DIS3L2: variants seen among roughly 807,000 people sequenced by gnomAD.
DIS3L2 encodes DIS3 like 3'-5' exoribonuclease 2, also known as DIS3-like exonuclease 2.
DIS3L2 carries 34 observed loss-of-function variants against 97.5 expected under a neutral mutation model. That is an observed-to-expected ratio of 0.35 (90% CI 0.27 to 0.46). The LOEUF is 0.46. Ranked by LOEUF, DIS3L2 falls within the 20% of genes least tolerant of loss-of-function variation. DIS3L2 has a pLI of 1.00. For missense variants in DIS3L2, 1,038 were observed against 1,146.0 expected (o/e 0.91, Z 1.36); for synonymous variants, 435 against 445.2 (o/e 0.98, Z 0.29).
chr2:232,336,707 G>A lies in DIS3L2; in HGVS notation c.*77G>A, dbSNP rs77517611. The A allele has an allele frequency of 6.6e-7, 1 of 1,520,296 alleles. No individual in the cohort carries two copies. Among genetic ancestry groups the A allele is most frequent in the Non-Finnish European group, 8.7e-7 (1 of 1,145,306 alleles). 94.2% of individuals were successfully genotyped at this position (1,520,296 alleles called of 1,614,324 possible). On this transcript the variant is annotated 3_prime_UTR_variant, in exon 21 of 21. Coordinates refer to ENST00000325385, the MANE Select transcript of DIS3L2 (RefSeq NM_152383.5). ...GGCTTTAGGACCTGTTGACACGGAGGGGGGTTTTTAATTTGGTTTTTAACA... is the reference window on the plus strand; with the variant it reads ...GGCTTTAGGACCTGTTGACACGGAGAGGGGTTTTTAATTTGGTTTTTAACA...
At chr2:232,021,799 C>G (rs1694523307) in intron 3 of DIS3L2, among the ~76,000 whole-genome samples, 1 of 152,098 alleles carries the variant, frequency 6.6e-6, no homozygotes, top group Non-Finnish European at 1.5e-5. Flanking sequence ...AGCAAAGAGA[C>G]CTTCCTCCCT....
intron 5 of DIS3L2, among the ~76,000 whole-genome samples, chr2:232,039,641 A>G (rs1273320849): frequency 6.6e-6 from 1 of 152,112 alleles, no homozygotes; most frequent in East Asian, 1.9e-4. Context: ...ATTCTTCCAC[A>G]TTTTTACTGT....
chr2:232,086,634 T>TACATATATGTGTATATATATATATACAC (rs1696642111), intron 5 of DIS3L2, among the ~76,000 whole-genome samples: 15 of 63,788 alleles, frequency 2.4e-4, no homozygotes, highest in African/African-American at 9.3e-4. Context: ...TATATACACA[T>TACATATATGTGTATATATATATATACAC]ATATATATAT....
At chr2:232,331,980 G>A (rs2741255) in intron 16 of DIS3L2, 25 of 152,554 alleles carry the variant, frequency 1.6e-4, no homozygotes, top group African/African-American at 4.3e-4. Context: ...GACAGGGCAG[G>A]GCAGCAGCAG....
At chr2:232,165,079 A>G (rs1195969412) in intron 9 of DIS3L2, among the ~76,000 whole-genome samples, 1 of 152,238 alleles carries the variant, frequency 6.6e-6, no homozygotes, top group Non-Finnish European at 1.5e-5. Flanking sequence ...CGAAGTGTAC[A>G]AAAATATATG....
chr2:232,121,790 C>T (rs1439389830), intron 6 of DIS3L2, among the ~76,000 whole-genome samples: 1 of 152,128 alleles, frequency 6.6e-6, no homozygotes, highest in Non-Finnish European at 1.5e-5. Context: ...TAAGGAAGCT[C>T]TGTTATAAGG....
chr2:232,067,798 A>G (rs1374127389), intron 5 of DIS3L2, among the ~76,000 whole-genome samples: 3 of 152,198 alleles, frequency 2.0e-5, no homozygotes, highest in Admixed American at 1.3e-4. Flanking sequence ...TATTAGGTGC[A>G]TATACATTTG....
At chr2:232,318,392 T>C (rs186079931) in intron 14 of DIS3L2, among the ~76,000 whole-genome samples, 300 of 152,348 alleles carry the variant, frequency 2.0e-3, no homozygotes, top group South Asian at 2.5e-3. Flanking sequence ...GTTGTAAACA[T>C]CATTCGTTTG....
At chr2:231,985,750 G>C (rs1291865293) in intron 1 of DIS3L2, among the ~76,000 whole-genome samples, 1 of 152,088 alleles carries the variant, frequency 6.6e-6, no homozygotes, top group Non-Finnish European at 1.5e-5. Context: ...ACATACTTCT[G>C]TATTTCCAAG....
intron 10 of DIS3L2, among the ~76,000 whole-genome samples, chr2:232,217,249 A>T (rs1361431841): frequency 6.6e-6 from 1 of 152,156 alleles, no homozygotes; most frequent in Admixed American, 6.5e-5. Context: ...AGAAAGCCGA[A>T]TGCTGCTGAG....
At chr2:232,088,875 A>G (rs1042670269) in intron 6 of DIS3L2, among the ~76,000 whole-genome samples, 3 of 152,152 alleles carry the variant, frequency 2.0e-5, no homozygotes, top group Non-Finnish European at 4.4e-5. Flanking sequence ...TTCTAGCCAA[A>G]TCGAATTTTA....
At chr2:232,264,477 T>C (rs1693802783) in intron 13 of DIS3L2, among the ~76,000 whole-genome samples, 1 of 152,376 alleles carries the variant, frequency 6.6e-6, no homozygotes, top group Non-Finnish European at 1.5e-5. Flanking sequence ...ATTTCTTTTT[T>C]CATTGCTTGT....
intron 14 of DIS3L2, among the ~76,000 whole-genome samples, chr2:232,300,422 T>C (rs183859420): frequency 1.2e-4 from 19 of 152,312 alleles, no homozygotes; most frequent in Admixed American, 1.1e-3. Flanking sequence ...TCTCCAGTCA[T>C]GTGCCTGCTT....
chr2:231,986,581 G>A (rs1324729591), intron 1 of DIS3L2, among the ~76,000 whole-genome samples: 1 of 152,080 alleles, frequency 6.6e-6, no homozygotes, highest in Non-Finnish European at 1.5e-5. Flanking sequence ...TGTGACATTG[G>A]CATTTTTGAA....
intron 13 of DIS3L2, among the ~76,000 whole-genome samples, chr2:232,277,648 C>T (rs920380189): frequency 5.9e-5 from 9 of 152,130 alleles, no homozygotes; most frequent in Admixed American, 4.6e-4. Context: ...AAGGCGTGTA[C>T]GTGTACATTT....
intron 5 of DIS3L2, among the ~76,000 whole-genome samples, chr2:232,062,537 A>G (rs1480719238): frequency 1.3e-5 from 2 of 152,112 alleles, no homozygotes; most frequent in African/African-American, 2.4e-5. Context: ...TAGCCCCCCA[A>G]GTTGATCTCT....
At chr2:232,264,151 G>C (rs528034786) in intron 13 of DIS3L2, among the ~76,000 whole-genome samples, 31 of 152,306 alleles carry the variant, frequency 2.0e-4, no homozygotes, top group African/African-American at 7.5e-4. Context: ...GTTCACAATC[G>C]AGTTTGAGCT....
rs545908605 is a variant in DIS3L2, at chr2:232,309,008, G to A, written c.1739+8889G>A. ...GGAAGGCCTGTGAAGGATGAGGGGA[G>A]GGAACAGGGGCAGGCCCGGGGCTTC... On this transcript the variant is annotated intron_variant, in intron 14 of 20. Coordinates refer to ENST00000325385, the MANE Select transcript of DIS3L2 (RefSeq NM_152383.5). 2.0e-5 allele frequency among the ~76,000 whole-genome samples: 3 copies of A among 152,342 alleles called. No individual in the cohort carries two copies. The East Asian group carries it at 5.8e-4, about 29-fold the overall frequency.
At chr2:231,997,404 A>G (rs1165069646) in intron 1 of DIS3L2, among the ~76,000 whole-genome samples, 2 of 152,258 alleles carry the variant, frequency 1.3e-5, no homozygotes, top group Admixed American at 6.5e-5. Context: ...TTTTACTGAC[A>G]TAACTCTCAT....
Sources: allele counts gnomAD v4.1 joint callset (sites outside exome capture counted in the v4.1 genomes callset), GRCh38; gene constraint gnomAD v4.1.1; transcripts MANE v1.5; gene names NCBI Gene and HGNC (gene_info 2026-07-23, HGNC 2026-07-21).